The following RIN2 variants were observed in gnomAD, a reference collection of about 807,000 sequenced individuals.
The protein encoded by RIN2 is RAB5 interacting protein 2.
A neutral mutation model predicts 78.0 loss-of-function variants in RIN2; 36 were observed. The ratio of observed to expected loss-of-function variants is 0.46; its 90% confidence interval spans 0.35 to 0.61. RIN2 has a LOEUF of 0.61. RIN2 is among the 20% of genes least tolerant of loss of function. The probability of loss-of-function intolerance (pLI) is 0.00; values close to 1 mark genes in which losing one functional copy is unlikely to be tolerated. For synonymous variants in RIN2, 466 were observed against 466.8 expected, an observed-to-expected ratio of 1.00 and a Z score of 0.02; for missense variants, 1,087 against 1,159.7, an observed-to-expected ratio of 0.94 and a Z score of 0.91.
intron 1 of RIN2, among the ~76,000 whole-genome samples, chr20:19,793,050 A>G (rs2034939538): frequency 1.4e-5 from 2 of 148,026 alleles, no homozygotes; most frequent in African/African-American, 5.1e-5. Flanking sequence ...GCCAAGGGGT[A>G]TTGATGACCT....
chr20:19,935,454 A>G (rs1245128183), intron 4 of RIN2: 1 of 1,250,066 alleles, frequency 8.0e-7, no homozygotes, highest in African/African-American at 1.5e-5. Context: ...GGAAACCTAA[A>G]ATTGTCTGTG....
At chr20:19,960,641 G>A (rs2041711255) in intron 5 of RIN2, 59 bp from the exon 6 acceptor site, 2 of 1,253,572 alleles carry the variant, frequency 1.6e-6, no homozygotes, top group African/African-American at 1.5e-5. Flanking sequence ...GAAACCAGAT[G>A]CTTGGGTTCC....
chr20:19,811,123 G>A (rs1031291520), intron 2 of RIN2, among the ~76,000 whole-genome samples: 3 of 152,026 alleles, frequency 2.0e-5, no homozygotes, highest in African/African-American at 7.2e-5. Context: ...CTTGGTGGTG[G>A]TTTATTTTGG....
At chr20:19,902,499 T>C (rs1796134505) in intron 3 of RIN2, among the ~76,000 whole-genome samples, 1 of 152,160 alleles carries the variant, frequency 6.6e-6, no homozygotes, top group African/African-American at 2.4e-5. Flanking sequence ...AAGGTGGGGA[T>C]GATTCTTCTC....
At chr20:19,836,808 A>G (rs2036431600) in intron 2 of RIN2, among the ~76,000 whole-genome samples, 1 of 152,208 alleles carries the variant, frequency 6.6e-6, no homozygotes, top group Admixed American at 6.5e-5. Context: ...GTAACATCCT[A>G]TAATCTTGCT....
At chr20:19,999,096 C>G (rs770686654) in intron 12 of RIN2, among the ~76,000 whole-genome samples, 2 of 152,030 alleles carry the variant, frequency 1.3e-5, no homozygotes, top group African/African-American at 2.4e-5. Context: ...TCTGGAACCC[C>G]TAAATCAGAG....
chr20:19,824,959 C>G (rs996412200), intron 2 of RIN2, among the ~76,000 whole-genome samples: 1 of 152,112 alleles, frequency 6.6e-6, no homozygotes, highest in Non-Finnish European at 1.5e-5. Flanking sequence ...AAGGCCTGCT[C>G]GAGGCCACGA....
intron 2 of RIN2, among the ~76,000 whole-genome samples, chr20:19,821,189 T>C (rs926138009): frequency 6.6e-6 from 1 of 152,212 alleles, no homozygotes; most frequent in Non-Finnish European, 1.5e-5. Flanking sequence ...TTTGGTCATT[T>C]CCACTTGGGA....
intron 2 of RIN2, among the ~76,000 whole-genome samples, chr20:19,818,744 G>A (rs75414946): frequency 0.025 from 1,601 of 63,316 alleles, 21 homozygotes; most frequent in African/African-American, 0.1. Context: ...AAAAAAAAAA[G>A]AAAGAAAGAG....
In RIN2 at chr20:19,990,400, T is replaced by A. The variant is rs528425976; in HGVS notation, c.2068+89T>A. 9.9e-5 allele frequency: 126 copies of A among 1,275,670 alleles called. No individual in the cohort carries two copies. The African/African-American group carries it at 1.0e-3, about 10-fold the overall frequency. The allele number at this position is 1,275,670 out of a possible 1,614,324, so 79.0% of individuals were successfully genotyped here. On this transcript the variant is annotated intron_variant, in intron 10 of 12. Coordinates refer to ENST00000255006, the MANE Select transcript of RIN2 (RefSeq NM_018993.4). ...CCTGTCAGGCTTTCTGATTCCCAAT[T>A]TCTCCTCCCTTTGGTCTCTTGATTT...
chr20:19,944,666 A>G (rs6035483), intron 4 of RIN2, among the ~76,000 whole-genome samples: 16,092 of 152,122 alleles, frequency 0.11, 979 homozygotes, highest in East Asian at 0.27. Context: ...GGAAATTTTA[A>G]CACAAAAATA....
intron 3 of RIN2, among the ~76,000 whole-genome samples, chr20:19,899,711 G>A (rs150157516): frequency 3.3e-5 from 5 of 152,280 alleles, no homozygotes; most frequent in Admixed American, 6.5e-5. Flanking sequence ...GTGGCCTTAG[G>A]ACATGGCAGA....
rs377291940 is a variant in RIN2, at chr20:19,975,588, T to A, written c.1563T>A (p.Leu521=). ...GGATGGTCCGCAGGATCGCCGAGCT[T>A]TCCCGGGACAAATGCACCTACTTCG... ...EKRMVRRIAE[L]SRDKCTYFGC... Residue 521 remains leucine, a synonymous_variant, in exon 9 of 13, where the codon CTT becomes CTA. Coordinates refer to ENST00000255006, the MANE Select transcript of RIN2 (RefSeq NM_018993.4). This position sits in a 1 kb window ranked among gnomAD's most constrained non-coding sequence, Gnocchi z 4.9. The A allele has an allele frequency of 1.2e-6, 2 of 1,613,988 alleles. No homozygotes were observed. The highest frequency in any genetic ancestry group is 1.7e-6 in the Non-Finnish European group (2 of 1,179,896).
At chr20:19,996,612 C>T in intron 11 of RIN2, 67 bp from the exon 12 acceptor site, 1 of 1,500,860 alleles carries the variant, frequency 6.7e-7, no homozygotes, top group Non-Finnish European at 9.3e-7. Context: ...CTAACGCTGG[C>T]ATCCCCTGTT....
chr20:19,933,037 C>T (rs1369341057), intron 3 of RIN2, among the ~76,000 whole-genome samples: 1 of 151,958 alleles, frequency 6.6e-6, no homozygotes, highest in Non-Finnish European at 1.5e-5. Flanking sequence ...TCCTAAATTC[C>T]CCCGTTCTTT....
intron 3 of RIN2, among the ~76,000 whole-genome samples, chr20:19,904,223 C>T (rs1203583118): frequency 1.1e-5 from 1 of 93,654 alleles, no homozygotes; most frequent in Non-Finnish European, 2.3e-5. Context: ...CAGAATGAGA[C>T]TTCGTCTCAA....
chr20:19,900,099 C>A (rs149304954), intron 3 of RIN2, among the ~76,000 whole-genome samples: 1 of 152,216 alleles, frequency 6.6e-6, no homozygotes, highest in Non-Finnish European at 1.5e-5. Context: ...CCAACCAATT[C>A]TTGTCATGCA....
chr20:19,766,931 A>G (rs368373678), intron 1 of RIN2, among the ~76,000 whole-genome samples: 1 of 151,982 alleles, frequency 6.6e-6, no homozygotes, highest in Non-Finnish European at 1.5e-5. Flanking sequence ...AAAAAAAGAA[A>G]AAAAAGAGTG....
chr20:19,903,010 A>G (rs1022567996), intron 3 of RIN2, among the ~76,000 whole-genome samples: 5 of 152,154 alleles, frequency 3.3e-5, no homozygotes, highest in Non-Finnish European at 5.9e-5. Flanking sequence ...GGAGAATGGC[A>G]TGAACTCAGG....
Sources: allele counts gnomAD v4.1 joint callset (sites outside exome capture counted in the v4.1 genomes callset), GRCh38; gene constraint gnomAD v4.1.1; non-coding constraint Gnocchi (gnomAD v3.1); transcripts MANE v1.5; gene names NCBI Gene and HGNC (gene_info 2026-07-23, HGNC 2026-07-21).